VPS33B: variants seen among roughly 807,000 people sequenced by gnomAD.
VPS33B encodes the protein VPS33B late endosome and lysosome associated.
In VPS33B, 80 loss-of-function variants were observed where a neutral mutation model predicts 95.3. That is an observed-to-expected ratio of 0.84 (90% CI 0.70 to 1.01). The LOEUF (loss-of-function observed/expected upper bound fraction) is 1.01, where lower values mean the gene tolerates loss of function less well. Among genes scored for constraint, VPS33B ranks in the 50% least tolerant of loss-of-function variants. The pLI is 0.00. For synonymous variants in VPS33B, 280 were observed against 280.4 expected (o/e 1.00, Z 0.01); for missense variants, 715 against 773.4 (o/e 0.92, Z 0.90).
At position 91,009,704 on chromosome 15, in the gene VPS33B, C is replaced by T. The variant is rs2040726081; in HGVS notation, c.403+97G>A. 9.5e-7 allele frequency: 1 copy of T among 1,048,618 alleles called. No individual in the cohort carries two copies. The highest frequency in any genetic ancestry group is 1.3e-6 in the Non-Finnish European group (1 of 782,694). The allele number at this position is 1,048,618 out of a possible 1,614,324, so 65.0% of individuals were successfully genotyped here. ...GGAATAAGACCAGGAAAAGAAGGAGCTGGTGGTGGGGGTGGGGTGGGGGGG... is the reference window on the plus strand; with the variant it reads ...GGAATAAGACCAGGAAAAGAAGGAGTTGGTGGTGGGGGTGGGGTGGGGGGG... On this transcript the variant is annotated intron_variant, in intron 6 of 22. Transcript: ENST00000333371. The surrounding 1 kb of genome is among the most constrained non-coding windows in gnomAD (Gnocchi z 4.1).
rs369266998 is a variant in VPS33B, at chr15:90,999,389, G to T, written c.1774+288C>A. ...GCTGGAGTGCAATGGTGCAATCTCA[G>T]CTCACTGCAACCTCCACCTCCCGGG... On this transcript the variant is annotated intron_variant, in intron 22 of 22. Coordinates refer to ENST00000333371, the MANE Select transcript of VPS33B (RefSeq NM_018668.5). This position sits in a 1 kb window ranked among gnomAD's most constrained non-coding sequence, Gnocchi z 5.1. 319 of 503,890 alleles carry T rather than the reference G, an allele frequency of 6.3e-4. 8 individuals carry two copies. Among genetic ancestry groups the T allele is most frequent in the South Asian group, 6.0e-3 (302 of 49,978 alleles). The allele number at this position is 503,890 out of a possible 1,614,324, so 31.2% of individuals were successfully genotyped here.
chr15:91,008,063 T>G, intron 6 of VPS33B, 99 bp from the exon 7 acceptor site: 4 of 1,066,118 alleles, frequency 3.8e-6, no homozygotes, highest in Admixed American at 3.6e-5. Context: ...GCAACAAATA[T>G]ATGAGTGCCT....
At position 91,006,172 on chromosome 15, in the gene VPS33B, G is replaced by A; in HGVS notation, c.853-113C>T. ...TTCTGGCAGAAATACAAAGAAAGCT[G>A]AGCTGGGATCTGTAAGTCCATATCA... On this transcript the variant is annotated intron_variant, in intron 11 of 22. Coordinates refer to ENST00000333371, the MANE Select transcript of VPS33B (RefSeq NM_018668.5). The surrounding 1 kb of genome is among the most constrained non-coding windows in gnomAD (Gnocchi z 5.4). 9 of 1,381,962 alleles carry A rather than the reference G, an allele frequency of 6.5e-6. No individual in the cohort carries two copies. Among genetic ancestry groups the A allele is most frequent in the Non-Finnish European group, 9.2e-6 (9 of 983,182 alleles). 85.6% of individuals were successfully genotyped at this position (1,381,962 alleles called of 1,614,324 possible).
rs767474133 is a variant in VPS33B, at chr15:91,008,015, G to A, written c.404-51C>T. Reference sequence around the variant, plus strand: ...CCCTGCAGAAGGTACTTAGCTCCACGTTAAGAGGGAAGGTCCGCCACAAAT... The same window carrying A: ...CCCTGCAGAAGGTACTTAGCTCCACATTAAGAGGGAAGGTCCGCCACAAAT... On this transcript the variant is annotated intron_variant, in intron 6 of 22. Coordinates refer to ENST00000333371, the MANE Select transcript of VPS33B (RefSeq NM_018668.5). 4.5e-6 allele frequency: 7 copies of A among 1,565,222 alleles called. No homozygotes were observed. The Admixed American group carries it at 1.0e-4, about 22-fold the overall frequency.
At position 91,014,360 on chromosome 15, in the gene VPS33B, CACATAGT is replaced by C. The variant is rs745447894; in HGVS notation, c.289+17_289+23del. The C allele has an allele frequency of 2.5e-6, 4 of 1,613,302 alleles. No individual in the cohort carries two copies. The highest frequency in any genetic ancestry group is 3.4e-6 in the Non-Finnish European group (4 of 1,179,516). On this transcript the variant is annotated intron_variant, in intron 4 of 22. Coordinates refer to ENST00000333371, the MANE Select transcript of VPS33B (RefSeq NM_018668.5). ...TTTTGCCCGCCCTTTCCCACAGTTA[CACATAGT>C]ACCATGGCACACTCACTGGCAATGT... is the stretch of plus-strand genomic sequence containing the variant.
chr15:91,004,719 C>T (rs2040548154), intron 16 of VPS33B, among the ~76,000 whole-genome samples, 158 bp downstream of exon 16: 2 of 152,148 alleles, frequency 1.3e-5, no homozygotes, highest in Admixed American at 6.5e-5. Context: ...ACCCTGTGTC[C>T]TGGTGATAAT....
At position 91,006,880 on chromosome 15, in the gene VPS33B, G is replaced by A; in HGVS notation, c.700+70C>T. On this transcript the variant is annotated intron_variant, in intron 9 of 22. Transcript: ENST00000333371. The surrounding 1 kb of genome is among the most constrained non-coding windows in gnomAD (Gnocchi z 5.4). ...GCCCTAACTTTAGGATTTTAACTTT[G>A]CCACCACGCCTTCCATATTCCCGTG... 6.2e-7 allele frequency: 1 copy of A among 1,604,978 alleles called. No individual in the cohort carries two copies. The highest frequency in any genetic ancestry group is 8.5e-7 in the Non-Finnish European group (1 of 1,172,002).
At position 91,007,656 on chromosome 15, in the gene VPS33B, G is replaced by A. The variant is rs754887638; in HGVS notation, c.499-83C>T. The A allele has an allele frequency of 4.3e-5, 61 of 1,429,334 alleles. No individual in the cohort carries two copies. Among genetic ancestry groups the A allele is most frequent in the Non-Finnish European group, 5.7e-5 (58 of 1,014,142 alleles). 88.5% of individuals were successfully genotyped at this position (1,429,334 alleles called of 1,614,324 possible). Reference sequence around the variant, plus strand: ...AGTGGCTAGCCCTAGAAGCCCTGGAGCAGGGTGGCAGGGCCTGGGGGATGC... The same window carrying A: ...AGTGGCTAGCCCTAGAAGCCCTGGAACAGGGTGGCAGGGCCTGGGGGATGC... On this transcript the variant is annotated intron_variant, in intron 7 of 22. Transcript: ENST00000333371. This position sits in a 1 kb window ranked among gnomAD's most constrained non-coding sequence, Gnocchi z 5.3.
intron 3 of VPS33B, 139 bp downstream of exon 3, chr15:91,016,823 AC>A: frequency 3.7e-6 from 3 of 819,336 alleles, no homozygotes; most frequent in Non-Finnish European, 6.2e-6. Context: ...AAACAAAACA[AC>A]AGAAGATTAA....
chr15:91,021,517 C>T (rs2041101180), intron 1 of VPS33B, among the ~76,000 whole-genome samples: 1 of 152,110 alleles, frequency 6.6e-6, no homozygotes, highest in South Asian at 2.1e-4. Flanking sequence ...CCATTTACGC[C>T]ACCACACACA....
chr15:91,009,673 C>A lies in VPS33B; in HGVS notation c.403+128G>T, dbSNP rs1474586461. ...CTCAGGAACCTCTCCTCCTGCTACA[C>A]TAACAGGAATAAGACCAGGAAAAGA... On this transcript the variant is annotated intron_variant, in intron 6 of 22. Coordinates refer to ENST00000333371, the MANE Select transcript of VPS33B (RefSeq NM_018668.5). The surrounding 1 kb of genome is among the most constrained non-coding windows in gnomAD (Gnocchi z 4.1). The A allele has an allele frequency of 3.1e-6, 3 of 968,054 alleles. No individual in the cohort carries two copies. Among genetic ancestry groups the A allele is most frequent in the Non-Finnish European group, 4.6e-6 (3 of 654,618 alleles). The allele number at this position is 968,054 out of a possible 1,614,324, so 60.0% of individuals were successfully genotyped here. A position where few individuals can be genotyped will look rare whatever the true frequency, so the allele number is the denominator to read the frequency against.
rs202100797 is a variant in VPS33B at position 91,019,071 on chromosome 15, C to T, written c.97-1186G>A. On this transcript the variant is annotated intron_variant, in intron 1 of 22. Transcript: ENST00000333371. ...CTCATGATCCACCTGCCTCGGCCTC[C>T]CAAAGTGCTGGGATTACAGGTGTGA... Among the ~76,000 whole-genome samples, 6 of 151,100 alleles carry T rather than the reference C, an allele frequency of 4.0e-5. No homozygotes were observed. In the East Asian group the frequency reaches 1.2e-3, roughly 30 times the overall value.
Position 91,022,178 on chromosome 15 carries a change from G to T in VPS33B, c.72C>A (p.Asp24Glu). The change falls in exon 1 of 23, where the codon GAC (aspartate) becomes GAA (glutamate). Residue 24 changes from aspartate to glutamate, a missense_variant. By Grantham distance (45) the Asp-to-Glu change is conservative (BLOSUM62 2). Coordinates refer to ENST00000333371, the MANE Select transcript of VPS33B (RefSeq NM_018668.5). ...CCTGCTCCAGCAGATAGATGAGCTG[G>T]TCTCGAGCCAGCCTCTTCAGCATGG... ...DFSMLKRLAR[D>E]QLIYLLEQLP... 1 of 1,570,258 alleles carries T rather than the reference G, an allele frequency of 6.4e-7. No individual in the cohort carries two copies. Among genetic ancestry groups the T allele is most frequent in the Non-Finnish European group, 8.6e-7 (1 of 1,156,706 alleles).
Position 91,005,463 on chromosome 15 carries a change from T to C in VPS33B, c.1031-9A>G. 6.2e-7 allele frequency: 1 copy of C among 1,614,042 alleles called. No individual in the cohort carries two copies. Among genetic ancestry groups the C allele is most frequent in the South Asian group, 1.1e-5 (1 of 91,088 alleles). ...TTCACAGGCCCCAATATCTGCAGGT[T>C]GGACAAAGGGAGCTGACATACTCCT... is the stretch of plus-strand genomic sequence containing the variant. On this transcript the variant is annotated splice_polypyrimidine_tract_variant and intron_variant, in intron 13 of 22. Coordinates refer to ENST00000333371, the MANE Select transcript of VPS33B (RefSeq NM_018668.5). The surrounding 1 kb of genome is among the most constrained non-coding windows in gnomAD (Gnocchi z 6.4).
In VPS33B at chr15:91,001,414, C is replaced by A; in HGVS notation, c.1454G>T (p.Arg485Leu). Reference sequence around the variant, plus strand: ...CAAATTCAGCTTTTTGCTGATGGCACGAAAATTGCTCCTCTTGGCCAGAGA... The same window carrying A: ...CAAATTCAGCTTTTTGCTGATGGCAAGAAAATTGCTCCTCTTGGCCAGAGA... The part of the protein sequence containing the change: ...FSSLAKRSNF[R>L]AISKKLNLIP... Residue 485 changes from arginine to leucine, a missense_variant, in exon 19 of 23, where the codon CGT becomes CTT. By Grantham distance (102) the Arg-to-Leu change is moderately radical. Transcript: ENST00000333371. 3 of 1,613,886 alleles carry A rather than the reference C, an allele frequency of 1.9e-6. No homozygotes were observed. Among genetic ancestry groups the A allele is most frequent in the Non-Finnish European group, 1.7e-6 (2 of 1,179,920 alleles).
In VPS33B at chr15:91,009,784, C is replaced by T. The variant is rs747396995; in HGVS notation, c.403+17G>A. ...TATGTTCTCTTTCCCTTTCCACTCA[C>T]ATTCATCTCCTCTCACCTCCATAGA... is the stretch of plus-strand genomic sequence containing the variant. On this transcript the variant is annotated intron_variant, in intron 6 of 22. Transcript: ENST00000333371. This position sits in a 1 kb window ranked among gnomAD's most constrained non-coding sequence, Gnocchi z 4.1. 8.7e-6 allele frequency: 14 copies of T among 1,614,026 alleles called. No individual in the cohort carries two copies. Among genetic ancestry groups the T allele is most frequent in the Non-Finnish European group, 1.2e-5 (14 of 1,179,992 alleles).
In VPS33B at chr15:91,002,555, A is replaced by G. The variant is rs1484017361; in HGVS notation, c.1273-373T>C. On this transcript the variant is annotated intron_variant, in intron 17 of 22. Transcript: ENST00000333371. This position sits in a 1 kb window ranked among gnomAD's most constrained non-coding sequence, Gnocchi z 4.7. ...CTGAGGCACAGAAATGCTTGAACCT[A>G]GGAGGCAGAGGCTGCAGTGAGTGGA... Among the ~76,000 whole-genome samples, 4 of 151,266 alleles carry G rather than the reference A, an allele frequency of 2.6e-5. No individual in the cohort carries two copies. Among genetic ancestry groups the G allele is most frequent in the African/African-American group, 9.7e-5 (4 of 41,122 alleles).
In VPS33B at chr15:91,016,989, G is replaced by A; in HGVS notation, c.213C>T (p.Asn71=). ...HEVDKLYKVE[N]KPALSSNEQL... is the part of the protein sequence containing the mutation. ...GTTCATTGGAGCTGAGGGCTGGCTT[G>A]TTCTCCACCTTGTATAGCTTGTCTA... Residue 71 remains asparagine (N), a synonymous_variant, in exon 3 of 23, where the codon AAC becomes AAT. Transcript: ENST00000333371. The A allele has an allele frequency of 6.2e-7, 1 of 1,614,014 alleles. No homozygotes were observed.
At position 91,000,843 on chromosome 15, in the gene VPS33B, C is replaced by T. The variant is rs1237352365; in HGVS notation, c.1480-252G>A. ...GGCTGGAGGGATGGCTTCTCCTTTC[C>T]CTACCCTTAAGTGACACAGGATATG... On this transcript the variant is annotated intron_variant, in intron 19 of 22. Transcript: ENST00000333371. This position sits in a 1 kb window ranked among gnomAD's most constrained non-coding sequence, Gnocchi z 4.9. The T allele has an allele frequency of 8.2e-6, 4 of 487,500 alleles. No individual in the cohort carries two copies. The highest frequency in any genetic ancestry group is 3.9e-5 in the East Asian group (1 of 25,374). The allele number at this position is 487,500 out of a possible 1,614,324, so 30.2% of individuals were successfully genotyped here.
Sources: gnomAD v4.1 joint callset for allele counts (sites outside exome capture counted in the v4.1 genomes callset) on GRCh38, gnomAD v4.1.1 for gene constraint, Gnocchi (gnomAD v3.1) non-coding constraint, MANE v1.5 for transcripts, NCBI Gene and HGNC (gene_info 2026-07-23, HGNC 2026-07-21) for gene names.